The following AGBL1 variants were observed in gnomAD, a reference collection of about 807,000 sequenced individuals.
The protein encoded by AGBL1 is cytosolic carboxypeptidase 4.
A neutral mutation model predicts 118.9 loss-of-function variants in AGBL1; 130 were observed. The ratio of observed to expected loss-of-function variants is 1.09; its 90% confidence interval spans 0.95 to 1.26. The LOEUF is 1.26. AGBL1 is among the 50% of genes most tolerant of loss of function. AGBL1 has a pLI of 0.00. For missense variants in AGBL1, 1,584 were observed against 1,298.1 expected, an observed-to-expected ratio of 1.22 and a Z score of -3.38; for synonymous variants, 555 against 478.9, an observed-to-expected ratio of 1.16 and a Z score of -2.08.
At chr15:86,468,676 A>T (rs1224332890) in intron 18 of AGBL1, among the ~76,000 whole-genome samples, 1 of 152,186 alleles carries the variant, frequency 6.6e-6, no homozygotes. Context: ...GCTTATTAAA[A>T]TTGTGTTGTT....
chr15:86,458,475 T>C (rs1463573318), intron 18 of AGBL1, among the ~76,000 whole-genome samples: 1 of 152,198 alleles, frequency 6.6e-6, no homozygotes, highest in Non-Finnish European at 1.5e-5. Context: ...TATAGAAACA[T>C]GTATACCATT....
At chr15:86,785,426 G>A (rs545805563) in intron 22 of AGBL1, among the ~76,000 whole-genome samples, 7 of 144,412 alleles carry the variant, frequency 4.8e-5, no homozygotes, top group Non-Finnish European at 9.0e-5. Context: ...CCAGGCTACA[G>A]TGTAGTGGTG....
chr15:86,897,015 C>CT (rs1014290021), intron 22 of AGBL1, among the ~76,000 whole-genome samples: 19 of 152,176 alleles, frequency 1.2e-4, no homozygotes, highest in African/African-American at 4.6e-4. Flanking sequence ...TAGACAGTGT[C>CT]TTTCTTTTGC....
intron 22 of AGBL1, among the ~76,000 whole-genome samples, chr15:86,873,146 G>T (rs1178316271): frequency 6.6e-6 from 1 of 152,282 alleles, no homozygotes; most frequent in South Asian, 2.1e-4. Context: ...TTTCATCTCT[G>T]CAGGAGCAAT....
chr15:86,414,625 G>T (rs1175083359), intron 18 of AGBL1, among the ~76,000 whole-genome samples: 1 of 152,116 alleles, frequency 6.6e-6, no homozygotes, highest in Non-Finnish European at 1.5e-5. Context: ...AATGTTCAGT[G>T]CCATTAAAAT....
At chr15:86,272,594 C>G (rs961994420) in intron 15 of AGBL1, among the ~76,000 whole-genome samples, 1 of 152,026 alleles carries the variant, frequency 6.6e-6, no homozygotes, top group Non-Finnish European at 1.5e-5. Context: ...GAGTATATAC[C>G]CTTATGCCTC....
At chr15:86,807,751 C>T (rs1179229805) in intron 22 of AGBL1, among the ~76,000 whole-genome samples, 1 of 152,078 alleles carries the variant, frequency 6.6e-6, no homozygotes, top group Non-Finnish European at 1.5e-5. Flanking sequence ...TATGACTTGG[C>T]CTCTCTGAAT....
chr15:86,534,221 G>A (rs1471719965), intron 19 of AGBL1, among the ~76,000 whole-genome samples: 8 of 150,706 alleles, frequency 5.3e-5, no homozygotes, highest in Admixed American at 6.6e-5. Context: ...GTAGAAAATA[G>A]TAAGCACTGT....
chr15:86,711,039 CACAAGGTG>C (rs2086547077), intron 22 of AGBL1, among the ~76,000 whole-genome samples: 1 of 152,114 alleles, frequency 6.6e-6, no homozygotes, highest in Admixed American at 6.6e-5. Context: ...GACCCTAGGC[CACAAGGTG>C]ACTTCCCCTG....
In AGBL1 at chr15:86,965,047, T is replaced by C. The variant is rs565369349; in HGVS notation, c.3222-22940T>C. ...AGTCTATCACTGTTGGGCATTTGGG[T>C]TGTTTCCAAGTCTTTGCTATTGTGA... On this transcript the variant is annotated intron_variant, in intron 23 of 24. Coordinates refer to the AGBL1 transcript ENST00000441037. Among the ~76,000 whole-genome samples, 3 of 152,166 alleles carry C rather than the reference T, an allele frequency of 2.0e-5. No homozygotes were observed. In the South Asian group the frequency reaches 6.2e-4, roughly 32 times the overall value.
chr15:87,004,757 T>C (rs2081480468), intron 24 of AGBL1, among the ~76,000 whole-genome samples: 1 of 152,170 alleles, frequency 6.6e-6, no homozygotes, highest in African/African-American at 2.4e-5. Context: ...ATTTTACTCA[T>C]TAATTGATGC....
intron 18 of AGBL1, among the ~76,000 whole-genome samples, chr15:86,510,853 G>T (rs1375983808): frequency 1.3e-5 from 2 of 152,068 alleles, no homozygotes; most frequent in Non-Finnish European, 2.9e-5. Flanking sequence ...ATGGGGAGTT[G>T]ACTTTCATTT....
At chr15:86,403,576 A>G (rs1469424347) in intron 18 of AGBL1, among the ~76,000 whole-genome samples, 4 of 152,122 alleles carry the variant, frequency 2.6e-5, no homozygotes, top group Non-Finnish European at 4.4e-5. Context: ...CACAGAATCC[A>G]TCTAAAAAAT....
At chr15:86,832,782 T>G in intron 22 of AGBL1, among the ~76,000 whole-genome samples, 1 of 152,330 alleles carries the variant, frequency 6.6e-6, no homozygotes, top group South Asian at 2.1e-4. Context: ...CCTCTGCCTG[T>G]TACCCAGTTC....
chr15:86,229,627 C>G, intron 6 of AGBL1, among the ~76,000 whole-genome samples: 1 of 152,096 alleles, frequency 6.6e-6, no homozygotes, highest in East Asian at 1.9e-4. Flanking sequence ...TTCCCTCATC[C>G]TTTTTGTCAT....
At position 86,671,801 on chromosome 15, in the gene AGBL1, C is replaced by T. The variant is rs533197581; in HGVS notation, c.2995-2472C>T. On this transcript the variant is annotated intron_variant, in intron 21 of 22. Coordinates refer to ENST00000614907, the MANE Select transcript of AGBL1 (RefSeq NM_001386094.1). ...GAGATAAAAATCCATCCATGCCTCT[C>T]CACGTCCACTCATTTAGAGTCGCTA... Among the ~76,000 whole-genome samples, 7 of 152,294 alleles carry T rather than the reference C, an allele frequency of 4.6e-5. No homozygotes were observed. In the East Asian group the frequency reaches 1.4e-3, roughly 29 times the overall value.
intron 18 of AGBL1, among the ~76,000 whole-genome samples, chr15:86,408,312 C>A (rs1382311402): frequency 6.6e-6 from 1 of 152,164 alleles, no homozygotes; most frequent in Non-Finnish European, 1.5e-5. Flanking sequence ...TGTGAATTCT[C>A]ATTCCAAGGT....
At chr15:86,247,520 G>A (rs954466829) in intron 6 of AGBL1, 151 bp from the exon 7 acceptor site, 1 of 856,986 alleles carries the variant, frequency 1.2e-6, no homozygotes, top group East Asian at 2.6e-5. Flanking sequence ...TGATCACTTG[G>A]TTTAAGGTGA....
chr15:86,644,686 C>T (rs896737260), intron 21 of AGBL1, among the ~76,000 whole-genome samples: 4 of 146,798 alleles, frequency 2.7e-5, no homozygotes, highest in East Asian at 2.0e-4. Context: ...AGCAAACAAA[C>T]AAAAAGCTGA....
Sources: allele counts gnomAD v4.1 joint callset (sites outside exome capture counted in the v4.1 genomes callset), GRCh38; gene constraint gnomAD v4.1.1; transcripts MANE v1.5; gene names NCBI Gene and HGNC (gene_info 2026-07-23, HGNC 2026-07-21).